ZKSCAN4: variants seen among roughly 807,000 people sequenced by gnomAD.
The protein encoded by ZKSCAN4 is zinc finger protein with KRAB and SCAN domains 4.
ZKSCAN4 carries 23 observed loss-of-function variants against 30.8 expected under a neutral mutation model. That is an observed-to-expected ratio of 0.75 (90% CI 0.54 to 1.06). ZKSCAN4 has a LOEUF of 1.06. Ranked by LOEUF, ZKSCAN4 falls within the 50% of genes least tolerant of loss-of-function variation. The pLI is 0.00. For synonymous variants in ZKSCAN4, 208 were observed against 252.5 expected (o/e 0.82, Z 1.67); for missense variants, 556 against 665.4 (o/e 0.84, Z 1.81).
At chr6:28,253,109 G>A (rs759787622), upstream of ZKSCAN4, among the ~76,000 whole-genome samples, 3 of 152,204 alleles carry the variant, frequency 2.0e-5, no homozygotes, top group Admixed American at 6.5e-5. This position sits in a 1 kb window ranked among gnomAD's most constrained non-coding sequence, Gnocchi z 4.2. Flanking sequence ...GAGCACTCTT[G>A]TGTAAAGTGC....
intron 1 of ZKSCAN4, among the ~76,000 whole-genome samples, chr6:28,250,069 T>C (rs886507001): frequency 2.6e-5 from 4 of 151,198 alleles, no homozygotes; most frequent in Non-Finnish European, 4.4e-5. Context: ...GTTGGTTTTT[T>C]TGTTTTTTTT....
chr6:28,254,388 G>GCCAT (rs1761121319), upstream of ZKSCAN4, among the ~76,000 whole-genome samples: 1 of 152,216 alleles, frequency 6.6e-6, no homozygotes, highest in Non-Finnish European at 1.5e-5. Context: ...CATGGAAAGG[G>GCCAT]GTGGCAACTT....
In ZKSCAN4 at chr6:28,251,458, T is replaced by C; in HGVS notation, c.423+100A>G. On this transcript the variant is annotated intron_variant, in intron 1 of 4. Coordinates refer to ENST00000377294, the MANE Select transcript of ZKSCAN4 (RefSeq NM_019110.5). The surrounding 1 kb of genome is among the most constrained non-coding windows in gnomAD (Gnocchi z 4.5). ...AGGAGGTTCACAGTACAAAAAGAGA[T>C]GAAGAACTCCTGGACCTTAAAGGAA... is the stretch of plus-strand genomic sequence containing the variant. The C allele has an allele frequency of 1.3e-6, 2 of 1,592,392 alleles. No homozygotes were observed. Among genetic ancestry groups the C allele is most frequent in the Non-Finnish European group, 1.7e-6 (2 of 1,167,904 alleles).
At chr6:28,254,565 G>A (rs1294861117), upstream of ZKSCAN4, among the ~76,000 whole-genome samples, 3 of 152,202 alleles carry the variant, frequency 2.0e-5, no homozygotes, top group Admixed American at 6.5e-5. Flanking sequence ...CTCCCTCAGG[G>A]ATTAGATATG....
At chr6:28,253,940 C>A (rs567866792), upstream of ZKSCAN4, among the ~76,000 whole-genome samples, 44 of 152,298 alleles carry the variant, frequency 2.9e-4, no homozygotes, top group African/African-American at 1.0e-3. The surrounding 1 kb of genome is among the most constrained non-coding windows in gnomAD (Gnocchi z 4.2). Context: ...GTGTGAGCCA[C>A]CACGCCTGGC....
chr6:28,248,826 C>CAAAAAAAAAAAA (rs1208495527), intron 2 of ZKSCAN4, among the ~76,000 whole-genome samples: 2 of 51,040 alleles, frequency 3.9e-5, no homozygotes, highest in Admixed American at 2.2e-4. Context: ...ACCCCCATCT[C>CAAAAAAAAAAAA]AAAAAAAAAA....
rs1760581071 is a variant in ZKSCAN4, at chr6:28,243,611, T to C, written c.*1505A>G. 6.6e-6 allele frequency among the ~76,000 whole-genome samples: 1 copy of C among 152,166 alleles called. No homozygotes were observed. The highest frequency in any genetic ancestry group is 6.5e-5 in the Admixed American group (1 of 15,278). On this transcript the variant is annotated 3_prime_UTR_variant, in exon 5 of 5. Transcript: ENST00000377294. ...CACTTTGGATATTGTACAATCTTTTTCATCAGATACCTAGGATTCCCAATG... is the reference window on the plus strand; with the variant it reads ...CACTTTGGATATTGTACAATCTTTTCCATCAGATACCTAGGATTCCCAATG...
rs1447620937 is a variant in ZKSCAN4, at chr6:28,245,436, C to G, written c.1318G>C (p.Ala440Pro). ...KPYQCNMCGK[A>P]FRRNSHLLRH... ...AGGAGATGTGAATTCCGCCTAAAGG[C>G]TTTGCCACACATATTGCACTGGTAT... Residue 440 changes from alanine (A) to proline (P), a missense_variant, in exon 5 of 5, where the codon GCC becomes CCC. Around this residue, in one of 3 missense-constraint regions of ZKSCAN4, gnomAD observed 433 missense variants for 511.5 expected, o/e 0.85. Coordinates refer to ENST00000377294, the MANE Select transcript of ZKSCAN4 (RefSeq NM_019110.5). 1 of 1,614,110 alleles carries G rather than the reference C, an allele frequency of 6.2e-7. No homozygotes were observed. The highest frequency in any genetic ancestry group is 1.3e-5 in the African/African-American group (1 of 74,930).
chr6:28,255,755 C>T (rs772440979), upstream of ZKSCAN4, among the ~76,000 whole-genome samples: 3 of 151,678 alleles, frequency 2.0e-5, no homozygotes, highest in Non-Finnish European at 4.4e-5. Flanking sequence ...ACTTTAGGGG[C>T]TTATATGGGG....
At chr6:28,248,950 A>G (rs973706764) in intron 2 of ZKSCAN4, among the ~76,000 whole-genome samples, 3 of 152,224 alleles carry the variant, frequency 2.0e-5, no homozygotes, top group Non-Finnish European at 4.4e-5. Context: ...CAGACTCAGA[A>G]GCAGAAGAAA....
At chr6:28,254,256 C>T (rs1761115456), upstream of ZKSCAN4, among the ~76,000 whole-genome samples, 1 of 152,224 alleles carries the variant, frequency 6.6e-6, no homozygotes, top group South Asian at 2.1e-4. Flanking sequence ...CTCAGACTAG[C>T]AGCTCAAAAG....
upstream of ZKSCAN4, among the ~76,000 whole-genome samples, chr6:28,255,846 G>C (rs566186307): frequency 1.3e-3 from 196 of 152,236 alleles, 6 homozygotes; most frequent in South Asian, 0.035. Flanking sequence ...ATAAGGGAAA[G>C]GGGTGCCTGA....
rs1760521476 is a variant in ZKSCAN4 at position 28,242,207 on chromosome 6, A to G, written c.*2909T>C. 6.6e-6 allele frequency among the ~76,000 whole-genome samples: 1 copy of G among 152,224 alleles called. No homozygotes were observed. Among genetic ancestry groups the G allele is most frequent in the Non-Finnish European group, 1.5e-5 (1 of 68,036 alleles). Reference sequence around the variant, plus strand: ...TTTTATTGTGCTTTATATACTGCTTATATCTCAACTAAGTAGTTTACTTTA... The same window carrying G: ...TTTTATTGTGCTTTATATACTGCTTGTATCTCAACTAAGTAGTTTACTTTA... On this transcript the variant is annotated 3_prime_UTR_variant, in exon 5 of 5. Transcript: ENST00000377294.
Position 28,245,299 on chromosome 6 carries a change from C to T in ZKSCAN4, c.1455G>A (p.Val485=). Reference sequence around the variant, plus strand: ...TCTCACACTCATTACATTTATAAGACACGGGAGCCTCAGTATTTTCCCACT... The same window carrying T: ...TCTCACACTCATTACATTTATAAGATACGGGAGCCTCAGTATTTTCCCACT... ...ESQWENTEAP[V]SYKCNECERS... is the part of the protein sequence containing the mutation. Residue 485 remains valine, a synonymous_variant, in exon 5 of 5, where the codon GTG becomes GTA. Transcript: ENST00000377294. 2 of 1,613,948 alleles carry T rather than the reference C, an allele frequency of 1.2e-6. No homozygotes were observed. Among genetic ancestry groups the T allele is most frequent in the East Asian group, 2.2e-5 (1 of 44,858 alleles).
In ZKSCAN4 at chr6:28,244,915, C is replaced by G; in HGVS notation, c.*201G>C. ...AACTTCCAGACCACTCTCCCATGGC[C>G]TCTTATCAAATGACTTCTTCCAATC... is the stretch of plus-strand genomic sequence containing the variant. On this transcript the variant is annotated 3_prime_UTR_variant, in exon 5 of 5. Transcript: ENST00000377294. 1 of 724,282 alleles carries G rather than the reference C, an allele frequency of 1.4e-6. No homozygotes were observed. The highest frequency in any genetic ancestry group is 2.4e-6 in the Non-Finnish European group (1 of 420,572). The allele number at this position is 724,282 out of a possible 1,614,324, so 44.9% of individuals were successfully genotyped here. A position where few individuals can be genotyped will look rare whatever the true frequency, so the allele number is the denominator to read the frequency against.
At chr6:28,247,717 G>A (rs1170343586) in intron 3 of ZKSCAN4, among the ~76,000 whole-genome samples, 1 of 152,196 alleles carries the variant, frequency 6.6e-6, no homozygotes, top group Non-Finnish European at 1.5e-5. Flanking sequence ...ATCTTAAAAA[G>A]CAAAACAGAA....
At position 28,251,898 on chromosome 6, in the gene ZKSCAN4, T is replaced by G. The variant is rs770425503; in HGVS notation, c.83A>C (p.Glu28Ala). 1.3e-6 allele frequency: 2 copies of G among 1,539,122 alleles called. No homozygotes were observed. Among genetic ancestry groups the G allele is most frequent in the African/African-American group, 2.8e-5 (2 of 71,924 alleles). ...DQTGLLTVKVEKEEASALTAE... is the reference protein window; with the variant it reads ...DQTGLLTVKVAKEEASALTAE... ...CGTCAAGGCGGAGGCTTCCTCCTTCTCCACCTTCACGGTCAGGAGCCCCGT... is the reference window on the plus strand; with the variant it reads ...CGTCAAGGCGGAGGCTTCCTCCTTCGCCACCTTCACGGTCAGGAGCCCCGT... Residue 28 changes from glutamate (E) to alanine (A), a missense_variant, in exon 1 of 5, where the codon GAG becomes GCG. Glu to Ala is a moderately radical substitution (Grantham distance 107). Around this residue, in one of 3 missense-constraint regions of ZKSCAN4, gnomAD observed 115 missense variants for 125.9 expected, o/e 0.91. Coordinates refer to ENST00000377294, the MANE Select transcript of ZKSCAN4 (RefSeq NM_019110.5). This position sits in a 1 kb window ranked among gnomAD's most constrained non-coding sequence, Gnocchi z 4.5.
In ZKSCAN4 at chr6:28,249,336, A is replaced by G. The variant is rs1196079385; in HGVS notation, c.571+351T>C. On this transcript the variant is annotated intron_variant, in intron 2 of 4. Transcript: ENST00000377294. This position sits in a 1 kb window ranked among gnomAD's most constrained non-coding sequence, Gnocchi z 4.1. ...TTTCTATCCTCCCTGCTAGAATGTA[A>G]GCTCCATCAAAGCAAGAATTCTGTC... 2.0e-5 allele frequency among the ~76,000 whole-genome samples: 3 copies of G among 152,190 alleles called. No homozygotes were observed. The highest frequency in any genetic ancestry group is 4.4e-5 in the Non-Finnish European group (3 of 68,034).
Position 28,246,988 on chromosome 6 carries a change from A to G in ZKSCAN4, c.759T>C (p.His253=), listed in dbSNP as rs779008193. 95 of 1,611,894 alleles carry G rather than the reference A, an allele frequency of 5.9e-5. No individual in the cohort carries two copies. Among genetic ancestry groups the G allele is most frequent in the Non-Finnish European group, 7.8e-5 (92 of 1,179,190 alleles). Residue 253 remains histidine, a synonymous_variant, in exon 4 of 5, where the codon CAT becomes CAC. Coordinates refer to ENST00000377294, the MANE Select transcript of ZKSCAN4 (RefSeq NM_019110.5). ...NLYRDEKQEN[H]SSLVSLGGEI... ...TCTTACCAAGGGAGACCAGGCTGCT[A>G]TGGTTCTCCTGCTTTTCATCTCTGT...
Sources: gnomAD v4.1 joint callset for allele counts (sites outside exome capture counted in the v4.1 genomes callset) on GRCh38, gnomAD v4.1.1 for gene constraint, gnomAD v4.1.1 regional missense constraint, Gnocchi (gnomAD v3.1) non-coding constraint, MANE v1.5 for transcripts, NCBI Gene and HGNC (gene_info 2026-07-23, HGNC 2026-07-21) for gene names.